Variants in DLC1 observed in about 807,000 individuals in gnomAD.
The protein encoded by DLC1 is DLC1 Rho GTPase activating protein.
Under a neutral mutation model 140.3 loss-of-function variants are expected in DLC1, and 54 were observed. That is an observed-to-expected ratio of 0.38 (90% CI 0.31 to 0.48). DLC1 has a LOEUF of 0.48. Among genes scored for constraint, DLC1 ranks in the 20% least tolerant of loss-of-function variants. The pLI is 0.96. For synonymous variants in DLC1, 986 were observed against 728.1 expected (o/e 1.35, Z -5.70); for missense variants, 2,536 against 1,907.0 (o/e 1.33, Z -6.14).
chr8:13,568,061 A>G (rs536897309), intron 1 of DLC1: 1 of 1,226,074 alleles, frequency 8.2e-7, no homozygotes, highest in Non-Finnish European at 1.1e-6. Flanking sequence ...TTGAGGACTA[A>G]GAACTTTCAC....
intron 4 of DLC1, among the ~76,000 whole-genome samples, chr8:13,345,301 A>C (rs1834276547): frequency 6.6e-6 from 1 of 152,142 alleles, no homozygotes; most frequent in African/African-American, 2.4e-5. Flanking sequence ...ATAACAAGCA[A>C]CTTGAGAATG....
At position 13,424,730 on chromosome 8, in the gene DLC1, G is replaced by A. The variant is rs147438917; in HGVS notation, c.1024-23111C>T. Among the ~76,000 whole-genome samples the A allele has an allele frequency of 7.2e-5, 11 of 151,872 alleles. No individual in the cohort carries two copies. The East Asian group carries it at 1.8e-3, about 24-fold the overall frequency. On this transcript the variant is annotated intron_variant, in intron 2 of 17. Coordinates refer to ENST00000276297, the MANE Select transcript of DLC1 (RefSeq NM_182643.3). ...TTGGACTACAGGCACCCACCACCTC[G>A]CTTGGCTAATTTTTTTGTATTGTTA... is the stretch of plus-strand genomic sequence containing the variant.
chr8:13,516,652 T>C (rs1202740631), upstream of DLC1, among the ~76,000 whole-genome samples: 1 of 152,222 alleles, frequency 6.6e-6, no homozygotes, highest in Non-Finnish European at 1.5e-5. Context: ...CAAAGTCTTA[T>C]TGACTAAAAA....
chr8:13,572,433 G>A (rs1445539451), intron 1 of DLC1, among the ~76,000 whole-genome samples: 1 of 151,978 alleles, frequency 6.6e-6, no homozygotes, highest in African/African-American at 2.4e-5. Flanking sequence ...CTTGTTCTGT[G>A]GGTTTTTCAG....
At chr8:13,388,892 C>G (rs1836635150) in intron 4 of DLC1, among the ~76,000 whole-genome samples, 1 of 152,012 alleles carries the variant, frequency 6.6e-6, no homozygotes, top group Non-Finnish European at 1.5e-5. Context: ...CAGTAAAACT[C>G]TTCTTGTGCA....
chr8:13,159,475 G>T (rs10096338), intron 5 of DLC1, among the ~76,000 whole-genome samples: 69,972 of 151,902 alleles, frequency 0.46, 16,507 homozygotes, highest in African/African-American at 0.54. Flanking sequence ...AGGACTTAGT[G>T]GGCTCTCCGG....
intron 4 of DLC1, among the ~76,000 whole-genome samples, chr8:13,355,781 C>G (rs1274040052): frequency 6.6e-6 from 1 of 151,972 alleles, no homozygotes; most frequent in South Asian, 2.1e-4. Flanking sequence ...TGTACTGATT[C>G]ATTTTCAAAA....
chr8:13,448,346 T>TTCC (rs1798883432), intron 2 of DLC1, among the ~76,000 whole-genome samples: 1 of 65,170 alleles, frequency 1.5e-5, no homozygotes, highest in African/African-American at 4.5e-5. Context: ...CTTTTAAAAT[T>TTCC]TCTTCTTCTT....
At chr8:13,534,532 G>C (rs1012509278) in intron 1 of DLC1, among the ~76,000 whole-genome samples, 1 of 152,078 alleles carries the variant, frequency 6.6e-6, no homozygotes, top group Non-Finnish European at 1.5e-5. Flanking sequence ...CCATATGGCA[G>C]GGACAATTTT....
intron 2 of DLC1, among the ~76,000 whole-genome samples, chr8:13,423,812 C>G (rs896493600): frequency 2.0e-5 from 3 of 152,070 alleles, no homozygotes; most frequent in African/African-American, 4.8e-5. Flanking sequence ...AATCCGTGTT[C>G]TTCTCTTTAA....
At chr8:13,241,229 G>A (rs1365879681) in intron 5 of DLC1, among the ~76,000 whole-genome samples, 1 of 152,208 alleles carries the variant, frequency 6.6e-6, no homozygotes, top group Non-Finnish European at 1.5e-5. Flanking sequence ...TGGAATAAAA[G>A]TAGATGCTTA....
intron 2 of DLC1, among the ~76,000 whole-genome samples, chr8:13,445,087 AAG>A (rs1454003928): frequency 2.0e-5 from 3 of 151,914 alleles, no homozygotes; most frequent in East Asian, 3.9e-4. Context: ...GAGAGAGGGG[AAG>A]AGAGTGAGAA....
chr8:13,090,966 G>A (rs1471198285), intron 14 of DLC1, among the ~76,000 whole-genome samples: 3 of 151,750 alleles, frequency 2.0e-5, no homozygotes, highest in South Asian at 2.1e-4. Flanking sequence ...CACCACACCC[G>A]GCTAATTTTT....
In DLC1 at chr8:13,393,656, A is replaced by G. The variant is rs370106953; in HGVS notation, c.1211T>C (p.Ile404Thr). The change falls in exon 4 of 18, where the codon ATT (isoleucine) becomes ACT (threonine). Residue 404 changes from isoleucine to threonine, a missense_variant. Coordinates refer to ENST00000276297, the MANE Select transcript of DLC1 (RefSeq NM_182643.3). ...ATTTACTCGTGTCTGATTTACTGAA[A>G]TGGTATCTGCTCCACTTTCAGATCC... Reference protein sequence around the residue: ...ESGSESGADTISVNQTRVNLS... With the variant: ...ESGSESGADTTSVNQTRVNLS... The G allele has an allele frequency of 6.2e-7, 1 of 1,614,146 alleles. No individual in the cohort carries two copies. Among genetic ancestry groups the G allele is most frequent in the Non-Finnish European group, 8.5e-7 (1 of 1,180,024 alleles).
chr8:13,160,705 C>CG (rs1399411611), intron 5 of DLC1, among the ~76,000 whole-genome samples: 2 of 152,134 alleles, frequency 1.3e-5, no homozygotes, highest in Admixed American at 1.3e-4. Context: ...TGATTAGGGA[C>CG]GGCAGGGAGC....
At chr8:13,297,689 A>G (rs1832020691) in intron 5 of DLC1, among the ~76,000 whole-genome samples, 1 of 152,222 alleles carries the variant, frequency 6.6e-6, no homozygotes, top group Non-Finnish European at 1.5e-5. Flanking sequence ...AAAACAGAGC[A>G]GAGTCTTTCC....
At chr8:13,407,119 G>T (rs1299751518) in intron 2 of DLC1, among the ~76,000 whole-genome samples, 2 of 152,180 alleles carry the variant, frequency 1.3e-5, no homozygotes, top group African/African-American at 4.8e-5. Flanking sequence ...AATTCAATTT[G>T]ATTTACTGTC....
intron 15 of DLC1, among the ~76,000 whole-genome samples, chr8:13,090,030 T>C (rs532152770): frequency 2.0e-5 from 3 of 152,374 alleles, no homozygotes; most frequent in South Asian, 4.1e-4. Context: ...TTAGAAATAG[T>C]TGAAATCCTC....
intron 5 of DLC1, among the ~76,000 whole-genome samples, chr8:13,245,169 G>T (rs935861628): frequency 3.9e-5 from 6 of 152,186 alleles, no homozygotes; most frequent in Non-Finnish European, 7.3e-5. Context: ...CTGCCCTGAG[G>T]TGGCCACACT....
Sources: gnomAD v4.1 joint callset for allele counts (sites outside exome capture counted in the v4.1 genomes callset) on GRCh38, gnomAD v4.1.1 for gene constraint, MANE v1.5 for transcripts, NCBI Gene and HGNC (gene_info 2026-07-23, HGNC 2026-07-21) for gene names.